The following CDH18 variants were observed in gnomAD, a reference collection of about 807,000 sequenced individuals.
The protein encoded by CDH18 is cadherin 18, also known as cadherin-18.
CDH18 carries 31 observed loss-of-function variants against 67.9 expected under a neutral mutation model. The observed-to-expected ratio is 0.46, with a 90% CI of 0.34 to 0.62. CDH18 has a LOEUF of 0.62. CDH18 is among the 20% of genes least tolerant of loss of function. CDH18 has a pLI of 0.01. For synonymous variants in CDH18, 362 were observed against 347.2 expected, an observed-to-expected ratio of 1.04 and a Z score of -0.48; for missense variants, 890 against 975.5, an observed-to-expected ratio of 0.91 and a Z score of 1.17.
At chr5:20,241,418 C>G (rs946266578) in intron 2 of CDH18, among the ~76,000 whole-genome samples, 13 of 152,120 alleles carry the variant, frequency 8.5e-5, no homozygotes, top group Admixed American at 7.2e-4. Context: ...TGTATGTGTG[C>G]ACATGCTTGG....
chr5:19,694,767 G>A (rs1762332066), intron 5 of CDH18, among the ~76,000 whole-genome samples: 1 of 151,374 alleles, frequency 6.6e-6, no homozygotes, highest in Non-Finnish European at 1.5e-5. Flanking sequence ...GAATGTTAGT[G>A]ATGATTTGTT....
At chr5:20,225,721 G>A (rs1487334592) in intron 2 of CDH18, among the ~76,000 whole-genome samples, 1 of 151,964 alleles carries the variant, frequency 6.6e-6, no homozygotes, top group Non-Finnish European at 1.5e-5. Context: ...TACTTTGTAT[G>A]GAAAAAATAA....
intron 2 of CDH18, among the ~76,000 whole-genome samples, chr5:19,973,697 A>G (rs564638323): frequency 1.3e-5 from 2 of 152,290 alleles, no homozygotes; most frequent in Admixed American, 6.5e-5. Flanking sequence ...AATATGAGAG[A>G]AGGACATTTC....
At chr5:20,118,001 G>A (rs1379701557) in intron 2 of CDH18, among the ~76,000 whole-genome samples, 1 of 152,162 alleles carries the variant, frequency 6.6e-6, no homozygotes, top group East Asian at 1.9e-4. Flanking sequence ...GGGAGAGTAT[G>A]TTAATAGCAT....
At chr5:19,663,975 A>C (rs1458685992) in intron 5 of CDH18, among the ~76,000 whole-genome samples, 1 of 151,850 alleles carries the variant, frequency 6.6e-6, no homozygotes, top group South Asian at 2.1e-4. Context: ...ATATTTTATA[A>C]GAAGATGACG....
intron 1 of CDH18, among the ~76,000 whole-genome samples, chr5:20,351,207 C>T (rs1355596570): frequency 7.5e-6 from 1 of 132,644 alleles, no homozygotes; most frequent in East Asian, 2.8e-4. Flanking sequence ...TGTGTTATTG[C>T]TTATTTTGTC....
chr5:20,527,909 C>T (rs954260174), intron 1 of CDH18, among the ~76,000 whole-genome samples: 1 of 152,024 alleles, frequency 6.6e-6, no homozygotes, highest in African/African-American at 2.4e-5. Context: ...TCACACATAA[C>T]AATATTATCC....
At chr5:20,079,990 A>C (rs974982433) in intron 2 of CDH18, among the ~76,000 whole-genome samples, 4 of 152,166 alleles carry the variant, frequency 2.6e-5, no homozygotes, top group Non-Finnish European at 4.4e-5. Flanking sequence ...TAGTCTCATG[A>C]ACTCATCACA....
intron 2 of CDH18, among the ~76,000 whole-genome samples, chr5:20,211,524 G>A (rs1056616793): frequency 6.6e-6 from 1 of 152,074 alleles, no homozygotes; most frequent in Non-Finnish European, 1.5e-5. Context: ...ATTCAGCCGG[G>A]TGCCCCTCTA....
chr5:20,432,585 G>A (rs914272822), intron 1 of CDH18, among the ~76,000 whole-genome samples: 1 of 151,952 alleles, frequency 6.6e-6, no homozygotes. Flanking sequence ...GGTATTGGCC[G>A]GGCTGATTTC....
intron 3 of CDH18, among the ~76,000 whole-genome samples, chr5:19,838,244 C>T (rs940107250): frequency 1.3e-5 from 2 of 151,970 alleles, no homozygotes; most frequent in Non-Finnish European, 2.9e-5. Context: ...GCTAAAAGTA[C>T]ATCTCTAAAA....
At chr5:19,830,525 T>C (rs1780902653) in intron 3 of CDH18, among the ~76,000 whole-genome samples, 1 of 151,714 alleles carries the variant, frequency 6.6e-6, no homozygotes, top group African/African-American at 2.4e-5. Context: ...ATTACTAAAG[T>C]CAAGAAATAA....
chr5:20,038,643 C>A (rs1580097450), intron 2 of CDH18, among the ~76,000 whole-genome samples: 3 of 152,116 alleles, frequency 2.0e-5, no homozygotes, highest in Admixed American at 2.0e-4. Flanking sequence ...AAATTCAACA[C>A]CCCTTTCTGC....
At chr5:20,136,528 T>C (rs1416520070) in intron 2 of CDH18, among the ~76,000 whole-genome samples, 2 of 152,214 alleles carry the variant, frequency 1.3e-5, no homozygotes, top group Non-Finnish European at 2.9e-5. Context: ...CTGATTGGAC[T>C]TGACTCTTTA....
intron 2 of CDH18, among the ~76,000 whole-genome samples, chr5:20,227,135 T>C (rs1018309197): frequency 3.2e-4 from 48 of 152,112 alleles, no homozygotes; most frequent in African/African-American, 1.2e-3. Flanking sequence ...ACTCATGTTA[T>C]TTTTCCCTTT....
rs564528575 is a variant in CDH18, at chr5:19,881,568, G to A, written c.-256-42326C>T. Among the ~76,000 whole-genome samples the A allele has an allele frequency of 1.8e-3, 268 of 150,454 alleles. 1 individual carries two copies. The highest frequency in any genetic ancestry group is 6.3e-3 in the African/African-American group (258 of 40,818). On this transcript the variant is annotated intron_variant, in intron 2 of 12. Transcript: ENST00000382275. ...TTGTTAACCAGGCTGGAGTGCAATG[G>A]CATGATCCTGGCTCACTGCAATCTC...
chr5:19,561,763 G>T (rs1404405546), intron 8 of CDH18, among the ~76,000 whole-genome samples: 1 of 151,948 alleles, frequency 6.6e-6, no homozygotes, highest in East Asian at 1.9e-4. Flanking sequence ...AATATCTTTA[G>T]CTATGTGCTT....
intron 2 of CDH18, among the ~76,000 whole-genome samples, chr5:20,174,463 T>C (rs1737072402): frequency 6.6e-6 from 1 of 152,178 alleles, no homozygotes; most frequent in Non-Finnish European, 1.5e-5. Flanking sequence ...CACTCAGATG[T>C]TTCAAATGCC....
chr5:20,028,652 A>C (rs1303266128), intron 2 of CDH18, among the ~76,000 whole-genome samples: 2 of 152,182 alleles, frequency 1.3e-5, no homozygotes, highest in African/African-American at 4.8e-5. Context: ...TGATTCTTAT[A>C]CAATCACTTT....
Sources: gnomAD v4.1 joint callset for allele counts (sites outside exome capture counted in the v4.1 genomes callset) on GRCh38, gnomAD v4.1.1 for gene constraint, MANE v1.5 for transcripts, NCBI Gene and HGNC (gene_info 2026-07-23, HGNC 2026-07-21) for gene names.